PXDNL: variants seen among roughly 807,000 people sequenced by gnomAD.
The protein encoded by PXDNL is peroxidasin like.
PXDNL carries 145 observed loss-of-function variants against 150.8 expected under a neutral mutation model. That is an observed-to-expected ratio of 0.96 (90% CI 0.84 to 1.10). The LOEUF is 1.10. Among genes scored for constraint, PXDNL ranks in the 50% least tolerant of loss-of-function variants. The pLI, the probability that PXDNL is intolerant of heterozygous loss-of-function variation, is 0.00. For missense variants in PXDNL, 2,087 were observed against 1,873.9 expected (o/e 1.11, Z -2.10); for synonymous variants, 757 against 725.7 (o/e 1.04, Z -0.69).
intron 1 of PXDNL, among the ~76,000 whole-genome samples, chr8:51,700,535 C>A (rs1055580583): frequency 9.3e-5 from 14 of 149,846 alleles, no homozygotes; most frequent in Non-Finnish European, 2.1e-4. Flanking sequence ...CAGACACACA[C>A]AAATACACAA....
chr8:51,591,898 C>T (rs1247475619), intron 3 of PXDNL, among the ~76,000 whole-genome samples: 2 of 152,182 alleles, frequency 1.3e-5, no homozygotes, highest in Non-Finnish European at 2.9e-5. Flanking sequence ...GGATTACAGG[C>T]GTGAGCCACC....
chr8:51,518,253 A>G (rs1045641838), intron 4 of PXDNL, among the ~76,000 whole-genome samples: 1 of 152,186 alleles, frequency 6.6e-6, no homozygotes, highest in Non-Finnish European at 1.5e-5. Context: ...CTGGCCTATA[A>G]GAGCTCCTGG....
chr8:51,620,228 G>A (rs533940896), intron 2 of PXDNL, among the ~76,000 whole-genome samples: 1 of 152,222 alleles, frequency 6.6e-6, no homozygotes, highest in South Asian at 2.1e-4. Context: ...CCAAAGACCA[G>A]ATAAAATATA....
intron 18 of PXDNL, among the ~76,000 whole-genome samples, chr8:51,373,107 C>T (rs1432948580): frequency 6.6e-6 from 1 of 152,156 alleles, no homozygotes; most frequent in African/African-American, 2.4e-5. Context: ...GAAGGTGACT[C>T]TATTTGGAGA....
At chr8:51,808,955 G>A (rs910770795) in intron 1 of PXDNL, among the ~76,000 whole-genome samples, 1 of 152,170 alleles carries the variant, frequency 6.6e-6, no homozygotes, top group Admixed American at 6.5e-5. Flanking sequence ...GAAGATGCTG[G>A]AAGAGAACTG....
At chr8:51,756,493 A>G (rs1251879352) in intron 1 of PXDNL, among the ~76,000 whole-genome samples, 1 of 152,130 alleles carries the variant, frequency 6.6e-6, no homozygotes, top group Non-Finnish European at 1.5e-5. Context: ...CTTTGCTGAA[A>G]TATTTCATAG....
At position 51,592,765 on chromosome 8, in the gene PXDNL, TCTG is replaced by T. The variant is rs1441059029; in HGVS notation, c.237-70_237-68del. 2.1e-5 allele frequency: 25 copies of T among 1,207,306 alleles called. No individual in the cohort carries two copies. The African/African-American group carries it at 3.8e-4, about 19-fold the overall frequency. The allele number at this position is 1,207,306 out of a possible 1,614,324, so 74.8% of individuals were successfully genotyped here. On this transcript the variant is annotated intron_variant, in intron 2 of 22. Coordinates refer to ENST00000356297, the MANE Select transcript of PXDNL (RefSeq NM_144651.5). The stretch of plus-strand genomic sequence containing the variant: ...CAGACTCTGCAAACATTAAAATAGT[TCTG>T]CTAAGTATAGTGCTTTACACAACAG...
At chr8:51,423,546 A>G in intron 14 of PXDNL, 29 bp downstream of exon 14, 1 of 1,597,680 alleles carries the variant, frequency 6.3e-7, no homozygotes, top group Non-Finnish European at 8.5e-7. Flanking sequence ...AGTTATTTGG[A>G]TGTTGTAAAT....
At chr8:51,649,066 G>A (rs1174658968) in intron 2 of PXDNL, among the ~76,000 whole-genome samples, 1 of 152,154 alleles carries the variant, frequency 6.6e-6, no homozygotes, top group Non-Finnish European at 1.5e-5. Context: ...ATTAATATGG[G>A]TGCAAACATT....
intron 3 of PXDNL, among the ~76,000 whole-genome samples, chr8:51,572,669 CTT>C (rs1491192758): frequency 0.071 from 10,735 of 151,676 alleles, 971 homozygotes; most frequent in African/African-American, 0.22. Context: ...TATGATACTG[CTT>C]AGTACTTAAT....
At chr8:51,573,766 A>G (rs1369324584) in intron 3 of PXDNL, among the ~76,000 whole-genome samples, 3 of 152,010 alleles carry the variant, frequency 2.0e-5, no homozygotes, top group Non-Finnish European at 4.4e-5. Context: ...CCAAAAATAT[A>G]ATGTCAAAGT....
intron 4 of PXDNL, among the ~76,000 whole-genome samples, chr8:51,513,017 G>A (rs972299297): frequency 6.6e-6 from 1 of 152,226 alleles, no homozygotes; most frequent in African/African-American, 2.4e-5. Context: ...CCTGCATGCT[G>A]TGGAATGATC....
chr8:51,648,061 T>A (rs924014020), intron 2 of PXDNL, among the ~76,000 whole-genome samples: 12 of 152,206 alleles, frequency 7.9e-5, no homozygotes, highest in Admixed American at 4.6e-4. Context: ...TCATGCATCA[T>A]TCTTCTTTTT....
chr8:51,558,519 C>G (rs1436495639), intron 3 of PXDNL, among the ~76,000 whole-genome samples: 1 of 152,028 alleles, frequency 6.6e-6, no homozygotes, highest in Non-Finnish European at 1.5e-5. Flanking sequence ...AAACACTATA[C>G]TTGGTTTTTA....
intron 4 of PXDNL, among the ~76,000 whole-genome samples, chr8:51,503,079 C>G (rs1418817929): frequency 1.3e-5 from 2 of 151,720 alleles, no homozygotes; most frequent in Non-Finnish European, 2.9e-5. Flanking sequence ...CACAATGCAC[C>G]CACTGAGAGC....
rs183119698 is a variant in PXDNL, at chr8:51,568,144, T to C, written c.309-11233A>G. Among the ~76,000 whole-genome samples, 1,007 of 151,768 alleles carry C rather than the reference T, an allele frequency of 6.6e-3. 6 individuals carry two copies. The highest frequency in any genetic ancestry group is 0.01 in the Non-Finnish European group (684 of 67,848). ...TTATTCTGAACAAATTTTTATCCGTTATATCAATAAATAATAAAAAATAAA... is the reference window on the plus strand; with the variant it reads ...TTATTCTGAACAAATTTTTATCCGTCATATCAATAAATAATAAAAAATAAA... On this transcript the variant is annotated intron_variant, in intron 3 of 22. Transcript: ENST00000356297.
At chr8:51,754,265 T>G (rs2037075231) in intron 1 of PXDNL, among the ~76,000 whole-genome samples, 1 of 151,742 alleles carries the variant, frequency 6.6e-6, no homozygotes, top group South Asian at 2.1e-4. Flanking sequence ...GAAAAAAAAA[T>G]GTAATGAATA....
chr8:51,604,208 A>T (rs1242706901), intron 2 of PXDNL, among the ~76,000 whole-genome samples: 1 of 152,190 alleles, frequency 6.6e-6, no homozygotes, highest in Admixed American at 6.5e-5. Context: ...ACATATGTTT[A>T]TTGTGGCACT....
intron 1 of PXDNL, among the ~76,000 whole-genome samples, chr8:51,787,484 AG>A (rs1183789540): frequency 2.0e-5 from 3 of 152,234 alleles, no homozygotes; most frequent in Non-Finnish European, 4.4e-5. Flanking sequence ...GATGACTTAG[AG>A]GGGTTCAAGA....
Sources: gnomAD v4.1 joint callset for allele counts (sites outside exome capture counted in the v4.1 genomes callset) on GRCh38, gnomAD v4.1.1 for gene constraint, MANE v1.5 for transcripts, NCBI Gene and HGNC (gene_info 2026-07-23, HGNC 2026-07-21) for gene names.